Variants in ANKRD17 observed in about 807,000 individuals in gnomAD.
The protein encoded by ANKRD17 is ankyrin repeat domain-containing protein 17.
A neutral mutation model predicts 229.7 loss-of-function variants in ANKRD17; 19 were observed. That is an observed-to-expected ratio of 0.08 (90% CI 0.06 to 0.12). The LOEUF (loss-of-function observed/expected upper bound fraction) is 0.12. ANKRD17 is among the 10% of genes least tolerant of loss of function. The pLI, the probability that ANKRD17 is intolerant of heterozygous loss-of-function variation, is 1.00. For synonymous variants in ANKRD17, 1,112 were observed against 1,146.1 expected, an observed-to-expected ratio of 0.97 and a Z score of 0.60; for missense variants, 2,176 against 3,176.8, an observed-to-expected ratio of 0.68 and a Z score of 7.57.
In ANKRD17 at chr4:73,098,163, G is replaced by C. The variant is rs1723533233; in HGVS notation, c.4931C>G (p.Thr1644Ser). The change falls in exon 26 of 34, where the codon ACT becomes AGT. Residue 1644 changes from threonine to serine, a missense_variant. Physicochemically the swap from Thr to Ser is moderately conservative, Grantham distance 58. This residue lies in a region of ANKRD17 where 98 missense variants were observed against 101.0 expected (regional missense o/e 0.97). Transcript: ENST00000358602. The stretch of plus-strand genomic sequence containing the variant: ...CTGCTTTTTGCTGCTCACAGTGGTA[G>C]TGACCACAGCTGGTGAATGATTGTC... ...KSDNHSPAVV[T>S]TTVSSKKQPS... The C allele has an allele frequency of 2.5e-6, 4 of 1,614,094 alleles. No homozygotes were observed. Among genetic ancestry groups the C allele is most frequent in the Non-Finnish European group, 3.4e-6 (4 of 1,180,040 alleles).
intron 1 of ANKRD17, among the ~76,000 whole-genome samples, chr4:73,225,861 C>A (rs1223671070): frequency 5.2e-4 from 35 of 66,706 alleles, no homozygotes; most frequent in East Asian, 1.7e-3. Context: ...GACTCTGTCT[C>A]AAAAAAAAAA....
intron 2 of ANKRD17, among the ~76,000 whole-genome samples, chr4:73,171,732 G>T (rs1006522763): frequency 2.6e-5 from 4 of 152,114 alleles, no homozygotes; most frequent in Non-Finnish European, 5.9e-5. Context: ...TAACTGAAAA[G>T]AATCAAGCAG....
At chr4:73,168,525 C>T (rs747215074) in intron 2 of ANKRD17, among the ~76,000 whole-genome samples, 38 of 152,190 alleles carry the variant, frequency 2.5e-4, no homozygotes, top group African/African-American at 8.2e-4. Flanking sequence ...AAAAATACCA[C>T]GATGATTCAC....
At chr4:73,255,621 TTTTA>T (rs1436423903) in intron 1 of ANKRD17, among the ~76,000 whole-genome samples, 6 of 152,122 alleles carry the variant, frequency 3.9e-5, no homozygotes, top group Admixed American at 6.5e-5. Context: ...TAGCTTACAG[TTTTA>T]TTTGTCTTTA....
rs750245439 is a variant in ANKRD17, at chr4:73,102,363, TAAGAG to T, written c.4573+8_4573+12del. ...AATATAAAACAAATGGGATGGTTGT[TAAGAG>T]AAAATACCTTCAACTTTAAGCTTTT... On this transcript the variant is annotated splice_region_variant and intron_variant, in intron 25 of 33. Coordinates refer to ENST00000358602, the MANE Select transcript of ANKRD17 (RefSeq NM_032217.5). The T allele has an allele frequency of 2.5e-6, 4 of 1,574,618 alleles. No individual in the cohort carries two copies. Among genetic ancestry groups the T allele is most frequent in the Admixed American group, 2.1e-5 (1 of 46,714 alleles).
In ANKRD17 at chr4:73,073,985, GTTTT is replaced by G. The variant is rs1271330481; in HGVS notation, c.*2242_*2245del. The G allele has an allele frequency of 6.6e-6, 1 of 151,744 alleles. No homozygotes were observed. Among genetic ancestry groups the G allele is most frequent in the Non-Finnish European group, 1.5e-5 (1 of 67,818 alleles). 9.4% of individuals were successfully genotyped at this position (151,744 alleles called of 1,614,324 possible). A position where few individuals can be genotyped will look rare whatever the true frequency, so the allele number is the denominator to read the frequency against. ...CCTTCATGGTCTCAAAAAGTTATGG[GTTTT>G]TTTATTGTTCAAATAAAAGTGCACT... On this transcript the variant is annotated 3_prime_UTR_variant, in exon 34 of 34. Coordinates refer to ENST00000358602, the MANE Select transcript of ANKRD17 (RefSeq NM_032217.5).
Position 73,234,216 on chromosome 4 carries a change from T to C in ANKRD17, c.393+24060A>G, listed in dbSNP as rs577353611. Among the ~76,000 whole-genome samples the C allele has an allele frequency of 5.9e-5, 9 of 152,318 alleles. No individual in the cohort carries two copies. The East Asian group carries it at 7.7e-4, about 13-fold the overall frequency. ...CTCCTCTTAATTCCAAAATCAACAA[T>C]TGAGTCTTGATTCATGCTGAAATTT... On this transcript the variant is annotated intron_variant, in intron 1 of 33. Coordinates refer to ENST00000358602, the MANE Select transcript of ANKRD17 (RefSeq NM_032217.5).
chr4:73,199,105 C>T (rs1458543159), intron 1 of ANKRD17, among the ~76,000 whole-genome samples: 1 of 152,058 alleles, frequency 6.6e-6, no homozygotes, highest in African/African-American at 2.4e-5. Context: ...ATTATGAAGA[C>T]AAGACATCAG....
At chr4:73,229,902 T>C (rs1237408954) in intron 1 of ANKRD17, among the ~76,000 whole-genome samples, 1 of 152,174 alleles carries the variant, frequency 6.6e-6, no homozygotes, top group East Asian at 1.9e-4. Context: ...CTTTGCCTTC[T>C]ACATTTATGT....
intron 2 of ANKRD17, among the ~76,000 whole-genome samples, chr4:73,167,856 A>C (rs1289859003): frequency 3.9e-5 from 6 of 152,314 alleles, no homozygotes; most frequent in Admixed American, 2.0e-4. Context: ...TGAATCCTTC[A>C]AATATTTAAA....
intron 24 of ANKRD17, chr4:73,113,195 T>C (rs1725534724): frequency 7.8e-7 from 1 of 1,287,690 alleles, no homozygotes; most frequent in Non-Finnish European, 1.0e-6. Context: ...TACAGAATTA[T>C]AGGGGAAAAT....
chr4:73,195,599 C>T (rs761087667), intron 1 of ANKRD17, among the ~76,000 whole-genome samples: 2 of 152,014 alleles, frequency 1.3e-5, no homozygotes, highest in Non-Finnish European at 2.9e-5. Context: ...ACCTCTGCCT[C>T]CCGGGTTCAA....
intron 15 of ANKRD17, 103 bp downstream of exon 15, chr4:73,139,428 C>T: frequency 7.3e-7 from 1 of 1,371,764 alleles, no homozygotes; most frequent in East Asian, 2.3e-5. Context: ...TGAGTCAGTC[C>T]AAAAATAGTT....
At position 73,090,736 on chromosome 4, in the gene ANKRD17, G is replaced by A. The variant is rs1420613397; in HGVS notation, c.6892C>T (p.His2298Tyr). The A allele has an allele frequency of 2.5e-6, 4 of 1,614,082 alleles. No homozygotes were observed. Among genetic ancestry groups the A allele is most frequent in the Non-Finnish European group, 2.5e-6 (3 of 1,180,046 alleles). ...SSYLPNSDPL[H>Y]QSDTSKAPGF... is the part of the protein sequence containing the mutation. ...GGAGCTTTGGAAGTATCAGACTGATGTAAAGGATCTGAATTTGGCAAATAT... is the reference window on the plus strand; with the variant it reads ...GGAGCTTTGGAAGTATCAGACTGATATAAAGGATCTGAATTTGGCAAATAT... Residue 2298 changes from histidine (H) to tyrosine (Y), a missense_variant, in exon 29 of 34, where the codon CAT becomes TAT. His to Tyr is a moderately conservative substitution (Grantham distance 83, BLOSUM62 2). Coordinates refer to ENST00000358602, the MANE Select transcript of ANKRD17 (RefSeq NM_032217.5).
intron 22 of ANKRD17, among the ~76,000 whole-genome samples, chr4:73,117,895 C>T (rs1726170265): frequency 6.6e-6 from 1 of 152,166 alleles, no homozygotes; most frequent in South Asian, 2.1e-4. Context: ...GTTTTACTTT[C>T]ACGGAATTTG....
At chr4:73,171,471 A>G (rs1734033214) in intron 2 of ANKRD17, among the ~76,000 whole-genome samples, 1 of 152,202 alleles carries the variant, frequency 6.6e-6, no homozygotes, top group Non-Finnish European at 1.5e-5. Context: ...CAGACTGTGA[A>G]GACTATAATA....
At chr4:73,240,183 A>T (rs1298782620) in intron 1 of ANKRD17, among the ~76,000 whole-genome samples, 1 of 152,166 alleles carries the variant, frequency 6.6e-6, no homozygotes, top group African/African-American at 2.4e-5. Flanking sequence ...ATCAGTAAGA[A>T]CACTATATAG....
intron 23 of ANKRD17, among the ~76,000 whole-genome samples, chr4:73,115,287 T>C (rs754023161): frequency 2.6e-5 from 4 of 152,156 alleles, no homozygotes; most frequent in Non-Finnish European, 4.4e-5. Flanking sequence ...CAAGAATTTT[T>C]TTGTTGTTAT....
At chr4:73,206,363 A>G (rs968727437) in intron 1 of ANKRD17, among the ~76,000 whole-genome samples, 4 of 151,794 alleles carry the variant, frequency 2.6e-5, no homozygotes, top group Non-Finnish European at 5.9e-5. Flanking sequence ...GGATGAATGG[A>G]TAAGAAAAAT....
Sources: allele counts gnomAD v4.1 joint callset (sites outside exome capture counted in the v4.1 genomes callset), GRCh38; gene constraint gnomAD v4.1.1; regional missense constraint gnomAD v4.1.1; transcripts MANE v1.5; gene names NCBI Gene and HGNC (gene_info 2026-07-23, HGNC 2026-07-21).